The following NEGR1 variants were observed in gnomAD, a reference collection of about 807,000 sequenced individuals.
NEGR1 encodes the protein IgLON family member 4.
In NEGR1, 10 loss-of-function variants were observed where a neutral mutation model predicts 40.9. That is an observed-to-expected ratio of 0.24 (90% CI 0.15 to 0.42). The LOEUF is 0.42. Ranked by LOEUF, NEGR1 falls within the 10% of genes least tolerant of loss-of-function variation. The pLI is 1.00. For missense variants in NEGR1, 352 were observed against 438.9 expected (o/e 0.80, Z 1.77); for synonymous variants, 185 against 166.8 (o/e 1.11, Z -0.84).
chr1:71,537,908 A>G (rs1647560491), intron 6 of NEGR1, among the ~76,000 whole-genome samples: 1 of 151,620 alleles, frequency 6.6e-6, no homozygotes, highest in Admixed American at 6.6e-5. Flanking sequence ...GTCCTCAGTG[A>G]GATTTTCTTA....
intron 2 of NEGR1, among the ~76,000 whole-genome samples, chr1:71,809,191 G>A (rs57227393): frequency 0.082 from 12,434 of 152,066 alleles, 665 homozygotes; most frequent in African/African-American, 0.14. Context: ...AAGAGTGTGT[G>A]CCCTTGTGGA....
intron 4 of NEGR1, among the ~76,000 whole-genome samples, chr1:71,642,454 A>G (rs1416031605): frequency 6.6e-6 from 1 of 151,936 alleles, no homozygotes; most frequent in East Asian, 1.9e-4. Flanking sequence ...GGGGGGAGAG[A>G]AAAAGAGAGA....
chr1:72,134,123 G>C (rs1446978054), intron 1 of NEGR1, among the ~76,000 whole-genome samples: 1 of 151,364 alleles, frequency 6.6e-6, no homozygotes, highest in East Asian at 1.9e-4. Context: ...TCTTTTTATT[G>C]AAAGATGTAT....
At chr1:72,075,003 A>G (rs951593465) in intron 1 of NEGR1, among the ~76,000 whole-genome samples, 6 of 152,122 alleles carry the variant, frequency 3.9e-5, no homozygotes, top group Non-Finnish European at 7.4e-5. Context: ...ATAAATAAAG[A>G]CAACCTTTAG....
chr1:71,638,893 C>G (rs1040553564), intron 4 of NEGR1, among the ~76,000 whole-genome samples: 1 of 151,620 alleles, frequency 6.6e-6, no homozygotes, highest in Non-Finnish European at 1.5e-5. Flanking sequence ...TAGATAATAA[C>G]ACAGTGTCTT....
At chr1:72,259,413 T>A (rs1291446392) in intron 1 of NEGR1, among the ~76,000 whole-genome samples, 2 of 152,092 alleles carry the variant, frequency 1.3e-5, no homozygotes, top group Non-Finnish European at 2.9e-5. Flanking sequence ...TATACATTGA[T>A]ATTTATTATA....
intron 1 of NEGR1, among the ~76,000 whole-genome samples, chr1:72,150,633 G>A (rs1384311767): frequency 6.6e-6 from 1 of 152,066 alleles, no homozygotes; most frequent in Non-Finnish European, 1.5e-5. Flanking sequence ...AATGGATCTA[G>A]AGTATAACTG....
chr1:71,424,869 C>T (rs973328310), intron 6 of NEGR1, among the ~76,000 whole-genome samples: 6 of 152,136 alleles, frequency 3.9e-5, no homozygotes, highest in African/African-American at 1.4e-4. Context: ...CAGATAAGAA[C>T]CCAGCTGAGC....
intron 2 of NEGR1, among the ~76,000 whole-genome samples, chr1:71,817,567 G>C (rs1012678312): frequency 6.6e-6 from 1 of 151,980 alleles, no homozygotes; most frequent in Non-Finnish European, 1.5e-5. Flanking sequence ...GAGGAAGCAG[G>C]CTGGAAGATG....
rs555264369 is a variant in NEGR1, at chr1:72,006,764, T to TG, written c.177-71454dup. On this transcript the variant is annotated intron_variant, in intron 1 of 6. Coordinates refer to ENST00000357731, the MANE Select transcript of NEGR1 (RefSeq NM_173808.3). ...TCTCATGACTTACTGCAGGAAAAAC[T>TG]GGGGGGGGCGGGAAGCATCTTGCAA... 4.2e-3 allele frequency among the ~76,000 whole-genome samples: 630 copies of TG among 148,588 alleles called. 4 individuals are homozygous for TG. The highest frequency in any genetic ancestry group is 0.01 in the Middle Eastern group (3 of 290).
At chr1:71,610,844 T>C (rs1011369625) in intron 5 of NEGR1, among the ~76,000 whole-genome samples, 182 bp downstream of exon 5, 3 of 152,180 alleles carry the variant, frequency 2.0e-5, no homozygotes, top group Non-Finnish European at 4.4e-5. Flanking sequence ...AAAGTGGACA[T>C]TTCTTCTGGA....
chr1:72,073,418 T>C (rs1372942166), intron 1 of NEGR1, among the ~76,000 whole-genome samples: 1 of 152,144 alleles, frequency 6.6e-6, no homozygotes, highest in Non-Finnish European at 1.5e-5. Flanking sequence ...TCTGTGATTA[T>C]TTCCTCTATT....
intron 6 of NEGR1, among the ~76,000 whole-genome samples, chr1:71,567,788 G>A (rs1228369237): frequency 1.3e-5 from 2 of 151,954 alleles, no homozygotes; most frequent in Non-Finnish European, 2.9e-5. Context: ...TGGGGTTTTG[G>A]GGAGCCAATT....
intron 1 of NEGR1, among the ~76,000 whole-genome samples, chr1:72,035,919 G>A (rs1646897764): frequency 6.6e-6 from 1 of 152,132 alleles, no homozygotes; most frequent in South Asian, 2.1e-4. Flanking sequence ...TCCCCTTTCA[G>A]TTAGGAGAGT....
chr1:71,984,867 G>A (rs1194246240), intron 1 of NEGR1, among the ~76,000 whole-genome samples: 1 of 151,918 alleles, frequency 6.6e-6, no homozygotes, highest in Non-Finnish European at 1.5e-5. Context: ...TTACTAATAA[G>A]AATAATGATA....
chr1:72,082,582 T>G (rs923643042), intron 1 of NEGR1, among the ~76,000 whole-genome samples: 11 of 152,116 alleles, frequency 7.2e-5, no homozygotes, highest in African/African-American at 2.7e-4. Flanking sequence ...TATCCTGATA[T>G]TTTGTTTCTT....
chr1:71,674,812 G>T lies in NEGR1; in HGVS notation c.667+23196C>A, dbSNP rs184085721. On this transcript the variant is annotated intron_variant, in intron 4 of 6. Transcript: ENST00000357731. ...CTCTGAACATGTTATGTAAAATAGA[G>T]TTTCTGTATCACTTTTTATCTAACT... 2.4e-3 allele frequency among the ~76,000 whole-genome samples: 362 copies of T among 151,970 alleles called. 3 individuals are homozygous for T. Among genetic ancestry groups the T allele is most frequent in the African/African-American group, 8.5e-3 (352 of 41,470 alleles).
At chr1:71,758,461 C>A (rs1404353440) in intron 3 of NEGR1, among the ~76,000 whole-genome samples, 2 of 151,912 alleles carry the variant, frequency 1.3e-5, no homozygotes, top group African/African-American at 4.8e-5. Flanking sequence ...AGATAGCATA[C>A]TAAAAGTGAG....
At chr1:71,751,097 T>G (rs1394575901) in intron 3 of NEGR1, among the ~76,000 whole-genome samples, 1 of 151,968 alleles carries the variant, frequency 6.6e-6, no homozygotes, top group Non-Finnish European at 1.5e-5. Context: ...TTTTTTTTGT[T>G]CTTTCTTTAG....
Sources: allele counts gnomAD v4.1 joint callset (sites outside exome capture counted in the v4.1 genomes callset), GRCh38; gene constraint gnomAD v4.1.1; transcripts MANE v1.5; gene names NCBI Gene and HGNC (gene_info 2026-07-23, HGNC 2026-07-21).